The following CAMKMT variants were observed in gnomAD, a reference collection of about 807,000 sequenced individuals.
CAMKMT encodes the protein CaM KMT.
Under a neutral mutation model 48.0 loss-of-function variants are expected in CAMKMT, and 53 were observed. The ratio of observed to expected loss-of-function variants is 1.10; its 90% CI spans 0.89 to 1.39. The LOEUF is 1.39. CAMKMT is among the 40% of genes most tolerant of loss of function. The probability of loss-of-function intolerance (pLI) is 0.00; values close to 1 mark genes in which losing one functional copy is unlikely to be tolerated. For missense variants in CAMKMT, 428 were observed against 402.7 expected (o/e 1.06, Z -0.54); for synonymous variants, 165 against 152.3 (o/e 1.08, Z -0.61).
chr2:44,742,581 C>A (rs931153573), intron 7 of CAMKMT, among the ~76,000 whole-genome samples: 2 of 152,154 alleles, frequency 1.3e-5, no homozygotes, highest in Non-Finnish European at 2.9e-5. Flanking sequence ...AGTCAATGAA[C>A]AACTGCTGCC....
chr2:44,504,007 G>A (rs1338696411), intron 3 of CAMKMT, among the ~76,000 whole-genome samples: 3 of 151,302 alleles, frequency 2.0e-5, no homozygotes, highest in Non-Finnish European at 4.4e-5. Context: ...GAGAGAGAGA[G>A]AAAACGAAAC....
At chr2:44,697,866 T>C (rs1164938456) in intron 3 of CAMKMT, among the ~76,000 whole-genome samples, 1 of 152,084 alleles carries the variant, frequency 6.6e-6, no homozygotes, top group Non-Finnish European at 1.5e-5. Flanking sequence ...TACAAACTTA[T>C]TATGTAGAAA....
At chr2:44,384,531 TTGGG>T (rs1680583043) in intron 2 of CAMKMT, among the ~76,000 whole-genome samples, 1 of 151,380 alleles carries the variant, frequency 6.6e-6, no homozygotes. Context: ...GCATTTGCTT[TTGGG>T]TTCTTGGTCA....
At chr2:44,683,838 A>G (rs890962938) in intron 3 of CAMKMT, among the ~76,000 whole-genome samples, 6 of 149,470 alleles carry the variant, frequency 4.0e-5, no homozygotes, top group Admixed American at 1.3e-4. Context: ...AAAAAAAAAA[A>G]AAAAAGAAAA....
intron 3 of CAMKMT, among the ~76,000 whole-genome samples, chr2:44,600,017 T>G (rs988985470): frequency 6.6e-6 from 1 of 152,124 alleles, no homozygotes; most frequent in African/African-American, 2.4e-5. Context: ...AACTTTCCAA[T>G]GTTCTCATTC....
intron 3 of CAMKMT, among the ~76,000 whole-genome samples, chr2:44,629,358 C>A (rs1672675272): frequency 6.6e-6 from 1 of 151,876 alleles, no homozygotes; most frequent in Non-Finnish European, 1.5e-5. Context: ...GATTAGTGTG[C>A]ACATGGCATA....
intron 7 of CAMKMT, among the ~76,000 whole-genome samples, chr2:44,717,963 C>G (rs552297154): frequency 6.6e-6 from 1 of 152,290 alleles, no homozygotes; most frequent in African/African-American, 2.4e-5. Flanking sequence ...CCTCTTCCTA[C>G]CTCTTACACA....
chr2:44,448,509 A>T (rs114312749), intron 3 of CAMKMT, among the ~76,000 whole-genome samples: 2,700 of 152,242 alleles, frequency 0.018, 82 homozygotes, highest in African/African-American at 0.062. Flanking sequence ...CTATTTAAGT[A>T]TTGCTTTCTT....
intron 5 of CAMKMT, 142 bp from the exon 6 acceptor site, chr2:44,707,257 A>G (rs1408827502): frequency 8.7e-6 from 6 of 689,082 alleles, no homozygotes; most frequent in Non-Finnish European, 1.5e-5. Flanking sequence ...AATAATGCAG[A>G]CATAAAATGA....
chr2:44,748,436 C>T (rs1680009147), intron 8 of CAMKMT, among the ~76,000 whole-genome samples: 2 of 152,120 alleles, frequency 1.3e-5, no homozygotes, highest in African/African-American at 2.4e-5. Flanking sequence ...TTAGGATGCA[C>T]AGATATAAAC....
chr2:44,645,735 C>G lies in CAMKMT; in HGVS notation c.377-58548C>G, dbSNP rs141091395. ...ACTCAGGAGGCTGAGGCAGGAGAAT[C>G]GCTTAAACCTGGGAGGCGGAGGCTG... is the stretch of plus-strand genomic sequence containing the variant. On this transcript the variant is annotated intron_variant, in intron 3 of 10. Coordinates refer to ENST00000378494, the MANE Select transcript of CAMKMT (RefSeq NM_024766.5). 7.9e-3 allele frequency among the ~76,000 whole-genome samples: 1,209 copies of G among 152,180 alleles called. 20 individuals carry two copies. Among genetic ancestry groups the G allele is most frequent in the African/African-American group, 0.027 (1,141 of 41,524 alleles).
chr2:44,703,390 A>T (rs553241596), intron 3 of CAMKMT, among the ~76,000 whole-genome samples: 15 of 152,324 alleles, frequency 9.8e-5, no homozygotes, highest in South Asian at 2.1e-4. Context: ...GCAATTTAGC[A>T]GGTAGAATTA....
rs1047162363 is a variant in CAMKMT, at chr2:44,425,332, T to A, written c.376+35027T>A. ...ACTATCTAGTGTCTACTAACCATTA[T>A]TATAACAACCATTTTGGTGGAGATT... On this transcript the variant is annotated intron_variant, in intron 3 of 10. Transcript: ENST00000378494. Among the ~76,000 whole-genome samples the A allele has an allele frequency of 2.6e-5, 4 of 152,190 alleles. 1 individual carries two copies. The highest frequency in any genetic ancestry group is 2.6e-4 in the Admixed American group (4 of 15,280).
In CAMKMT at chr2:44,405,510, A is replaced by G. The variant is rs376218828; in HGVS notation, c.376+15205A>G. 3.3e-5 allele frequency among the ~76,000 whole-genome samples: 5 copies of G among 152,276 alleles called. No individual in the cohort carries two copies. In the East Asian group the frequency reaches 7.7e-4, roughly 23 times the overall value. ...AAAAGCTGTGAAGGCATATATACCA[A>G]TTTATCAAAGTTGCTTATTTTAGGA... is the stretch of plus-strand genomic sequence containing the variant. On this transcript the variant is annotated intron_variant, in intron 3 of 10. Coordinates refer to ENST00000378494, the MANE Select transcript of CAMKMT (RefSeq NM_024766.5).
intron 3 of CAMKMT, among the ~76,000 whole-genome samples, chr2:44,459,285 C>A (rs1375105755): frequency 6.6e-6 from 1 of 152,176 alleles, no homozygotes; most frequent in South Asian, 2.1e-4. Context: ...CAATTAAAGT[C>A]ATTTTATGTA....
At chr2:44,462,313 A>G (rs1667888877) in intron 3 of CAMKMT, among the ~76,000 whole-genome samples, 2 of 152,166 alleles carry the variant, frequency 1.3e-5, no homozygotes, top group African/African-American at 4.8e-5. Context: ...CATTTTGGTA[A>G]TCATCCTTTC....
chr2:44,427,460 A>G (rs753597050), intron 3 of CAMKMT, among the ~76,000 whole-genome samples: 12 of 152,092 alleles, frequency 7.9e-5, no homozygotes, highest in Non-Finnish European at 1.6e-4. Flanking sequence ...AATCAACAAG[A>G]AAAAAAATGC....
chr2:44,402,327 TAAAAAA>T (rs61683632), intron 3 of CAMKMT, among the ~76,000 whole-genome samples: 2 of 116,448 alleles, frequency 1.7e-5, no homozygotes, highest in Admixed American at 9.5e-5. Context: ...AGACTCTGTC[TAAAAAA>T]AAAAAAAAAA....
chr2:44,620,641 C>T (rs7593464), intron 3 of CAMKMT, among the ~76,000 whole-genome samples: 1 of 152,154 alleles, frequency 6.6e-6, no homozygotes, highest in Admixed American at 6.5e-5. Flanking sequence ...TCATAGATGA[C>T]TTGAACATCT....
Sources: gnomAD v4.1 joint callset for allele counts (sites outside exome capture counted in the v4.1 genomes callset) on GRCh38, gnomAD v4.1.1 for gene constraint, MANE v1.5 for transcripts, NCBI Gene and HGNC (gene_info 2026-07-23, HGNC 2026-07-21) for gene names.